PRKAG2: variants seen among roughly 807,000 people sequenced by gnomAD.
The protein encoded by PRKAG2 is protein kinase AMP-activated non-catalytic subunit gamma 2, also known as 5'-AMP-activated protein kinase subunit gamma-2.
In PRKAG2, 26 loss-of-function variants were observed where a neutral mutation model predicts 69.6. The observed-to-expected ratio is 0.37, with a 90% CI of 0.27 to 0.52. PRKAG2 has a LOEUF of 0.52. Ranked by LOEUF, PRKAG2 falls within the 20% of genes least tolerant of loss-of-function variation. The pLI, the probability that PRKAG2 is intolerant of heterozygous loss-of-function variation, is 0.90. For missense variants in PRKAG2, 557 were observed against 740.0 expected, an observed-to-expected ratio of 0.75 and a Z score of 2.87; for synonymous variants, 293 against 285.0, an observed-to-expected ratio of 1.03 and a Z score of -0.28.
intron 10 of PRKAG2, among the ~76,000 whole-genome samples, chr7:151,569,356 G>C (rs1807022360): frequency 6.6e-6 from 1 of 152,254 alleles, no homozygotes; most frequent in Non-Finnish European, 1.5e-5. Flanking sequence ...TTTTTTTAAA[G>C]AGTGTATTTA....
At chr7:151,873,938 T>C (rs1462938506) in intron 1 of PRKAG2, among the ~76,000 whole-genome samples, 1 of 151,916 alleles carries the variant, frequency 6.6e-6, no homozygotes, top group African/African-American at 2.4e-5. Context: ...TATATTTTTT[T>C]AAAAAACTAG....
At chr7:151,864,153 C>A (rs192257756) in intron 1 of PRKAG2, among the ~76,000 whole-genome samples, 1 of 152,158 alleles carries the variant, frequency 6.6e-6, no homozygotes, top group Non-Finnish European at 1.5e-5. Context: ...GGCTTCCTGA[C>A]CTCCAGCCTC....
At chr7:151,619,961 C>T (rs1821078836) in intron 5 of PRKAG2, among the ~76,000 whole-genome samples, 1 of 152,182 alleles carries the variant, frequency 6.6e-6, no homozygotes, top group South Asian at 2.1e-4. Context: ...GCAGAGGTTG[C>T]AGTGAGCCGA....
At chr7:151,795,683 C>G (rs949578741) in intron 1 of PRKAG2, among the ~76,000 whole-genome samples, 2 of 151,852 alleles carry the variant, frequency 1.3e-5, no homozygotes, top group African/African-American at 4.8e-5. Context: ...GGGCCTCCCC[C>G]AATCCGCAGC....
intron 6 of PRKAG2, among the ~76,000 whole-genome samples, chr7:151,581,980 G>T (rs1005259189): frequency 6.6e-6 from 1 of 152,186 alleles, no homozygotes. Flanking sequence ...GCAAATACAT[G>T]TATGGGAAAG....
intron 5 of PRKAG2, among the ~76,000 whole-genome samples, chr7:151,613,516 G>C (rs1199295136): frequency 6.6e-6 from 1 of 152,126 alleles, no homozygotes; most frequent in East Asian, 1.9e-4. Context: ...ATATATGTTT[G>C]AGATGGAGTC....
At chr7:151,868,974 T>C (rs920627308) in intron 1 of PRKAG2, among the ~76,000 whole-genome samples, 22 of 152,216 alleles carry the variant, frequency 1.4e-4, no homozygotes, top group South Asian at 4.1e-4. Flanking sequence ...TGAAGAGGCG[T>C]TGGCAAATAA....
rs71198737 is a variant in PRKAG2, at chr7:151,857,399, CA to C, written c.114+19107del. Among the ~76,000 whole-genome samples, 754 of 122,936 alleles carry C rather than the reference CA, an allele frequency of 6.1e-3. 6 individuals carry two copies. The highest frequency in any genetic ancestry group is 0.018 in the African/African-American group (575 of 32,514). 80.7% of individuals were successfully genotyped at this position (122,936 alleles called of 152,430 possible). On this transcript the variant is annotated intron_variant, in intron 1 of 15. Coordinates refer to ENST00000287878, the MANE Select transcript of PRKAG2 (RefSeq NM_016203.4). Reference sequence around the variant, plus strand: ...TGGACCCATCAGCAACTGGAAGTACCAAAAAAAAAAAAAAAAAGACTTCATA... The same window carrying C: ...TGGACCCATCAGCAACTGGAAGTACCAAAAAAAAAAAAAAAAGACTTCATA...
rs531323877 is a variant in PRKAG2, at chr7:151,836,942, G to A, written c.114+39565C>T. On this transcript the variant is annotated intron_variant, in intron 1 of 15. Coordinates refer to ENST00000287878, the MANE Select transcript of PRKAG2 (RefSeq NM_016203.4). This position sits in a 1 kb window ranked among gnomAD's most constrained non-coding sequence, Gnocchi z 4.1. Reference sequence around the variant, plus strand: ...GCCCAGCCAGCTTGCGGGGACCCCCGAGACGAGGTCCCTGCCAGACTGCCA... The same window carrying A: ...GCCCAGCCAGCTTGCGGGGACCCCCAAGACGAGGTCCCTGCCAGACTGCCA... Among the ~76,000 whole-genome samples, 4 of 152,260 alleles carry A rather than the reference G, an allele frequency of 2.6e-5. No homozygotes were observed. Among genetic ancestry groups the A allele is most frequent in the East Asian group, 1.9e-4 (1 of 5,170 alleles).
chr7:151,674,538 G>A (rs1832592902), intron 4 of PRKAG2, among the ~76,000 whole-genome samples: 1 of 152,132 alleles, frequency 6.6e-6, no homozygotes, highest in Admixed American at 6.6e-5. Context: ...AGTGACAGCT[G>A]GGGTCTCAGT....
At chr7:151,825,541 GGCACCCT>G (rs1563732242) in intron 1 of PRKAG2, among the ~76,000 whole-genome samples, 1 of 152,172 alleles carries the variant, frequency 6.6e-6, no homozygotes, top group Non-Finnish European at 1.5e-5. Flanking sequence ...CCATGCACCT[GGCACCCT>G]AGGTGACAGG....
chr7:151,611,998 TTG>T (rs1452259806), intron 5 of PRKAG2, among the ~76,000 whole-genome samples: 1 of 152,066 alleles, frequency 6.6e-6, no homozygotes, highest in South Asian at 2.1e-4. Context: ...TGAGCTGAGA[TTG>T]TGTCACCGCA....
intron 3 of PRKAG2, chr7:151,735,831 T>C: frequency 6.6e-7 from 1 of 1,526,236 alleles, no homozygotes; most frequent in South Asian, 1.2e-5. Flanking sequence ...TAGGAGGGTG[T>C]GCACACACGC....
At chr7:151,833,900 G>A (rs2079092235) in intron 1 of PRKAG2, among the ~76,000 whole-genome samples, 1 of 152,200 alleles carries the variant, frequency 6.6e-6, no homozygotes, top group Non-Finnish European at 1.5e-5. Flanking sequence ...TGCCCCCGCT[G>A]GGAGCCTGAG....
chr7:151,728,605 C>A (rs1028385403), intron 3 of PRKAG2, among the ~76,000 whole-genome samples: 8 of 151,980 alleles, frequency 5.3e-5, no homozygotes, highest in Admixed American at 5.2e-4. Flanking sequence ...TCATTATTTA[C>A]CCCTTCAGGC....
chr7:151,832,531 G>A (rs952524289), intron 1 of PRKAG2, among the ~76,000 whole-genome samples: 1 of 151,754 alleles, frequency 6.6e-6, no homozygotes, highest in African/African-American at 2.4e-5. Flanking sequence ...CCCCCTCAGA[G>A]GAAGGAGCCT....
At chr7:151,750,055 C>A (rs182956309) in intron 3 of PRKAG2, among the ~76,000 whole-genome samples, 50 of 148,708 alleles carry the variant, frequency 3.4e-4, no homozygotes, top group African/African-American at 1.3e-3. Context: ...CGAGATGGTG[C>A]CACTGCATTC....
At chr7:151,627,347 T>C (rs1671651605) in intron 5 of PRKAG2, among the ~76,000 whole-genome samples, 1 of 152,138 alleles carries the variant, frequency 6.6e-6, no homozygotes, top group South Asian at 2.1e-4. Context: ...CAAGATTGGC[T>C]GGGTGCAGTG....
chr7:151,626,943 G>T (rs574386514), intron 5 of PRKAG2, among the ~76,000 whole-genome samples: 1 of 152,144 alleles, frequency 6.6e-6, no homozygotes, highest in East Asian at 1.9e-4. Context: ...AACAAGAACC[G>T]ATCTTCACTT....
Sources: allele counts gnomAD v4.1 joint callset (sites outside exome capture counted in the v4.1 genomes callset), GRCh38; gene constraint gnomAD v4.1.1; non-coding constraint Gnocchi (gnomAD v3.1); transcripts MANE v1.5; gene names NCBI Gene and HGNC (gene_info 2026-07-23, HGNC 2026-07-21).